The following MCOLN3 variants were observed in gnomAD, a reference collection of about 807,000 sequenced individuals.
MCOLN3 encodes the protein mucolipin-3.
In MCOLN3, 62 loss-of-function variants were observed where a neutral mutation model predicts 69.4. The observed-to-expected ratio is 0.89, with a 90% CI of 0.73 to 1.10. MCOLN3 has a LOEUF of 1.10. Among genes scored for constraint, MCOLN3 ranks in the 50% least tolerant of loss-of-function variants. MCOLN3 has a pLI of 0.00. For missense variants in MCOLN3, 564 were observed against 656.4 expected, an observed-to-expected ratio of 0.86 and a Z score of 1.54; for synonymous variants, 183 against 217.0, an observed-to-expected ratio of 0.84 and a Z score of 1.38.
rs1041807638 is a variant in MCOLN3 at position 85,033,989 on chromosome 1, A to G, written c.550+109T>C. On this transcript the variant is annotated intron_variant, in intron 4 of 12. Transcript: ENST00000370589. ...TAATAACTCGTATATCATTCTTACT[A>G]TGTCCTAATATCACAGACCAAATCA... 8 of 1,166,274 alleles carry G rather than the reference A, an allele frequency of 6.9e-6. No homozygotes were observed. In the Admixed American group the frequency reaches 9.8e-5, roughly 14 times the overall value. The allele number at this position is 1,166,274 out of a possible 1,614,324, so 72.2% of individuals were successfully genotyped here.
chr1:85,019,171 T>C lies in MCOLN3; in HGVS notation c.1614A>G (p.Arg538=), dbSNP rs114141247. ...CKDLPNSGKY[R]LEDDPPVSLF... is the part of the protein sequence containing the mutation. ...AAGATACTGGAGGGTCATCTTCTAATCTGTATTTTCCAGAGTTGGGTAGAT... is the reference window on the plus strand; with the variant it reads ...AAGATACTGGAGGGTCATCTTCTAACCTGTATTTTCCAGAGTTGGGTAGAT... The change falls in exon 13 of 13, where the codon AGA becomes AGG. Residue 538 remains arginine (R), a synonymous_variant. Transcript: ENST00000370589. The C allele has an allele frequency of 5.0e-4, 799 of 1,613,836 alleles. 1 individual carries two copies. The African/African-American group carries it at 9.6e-3, about 19-fold the overall frequency.
chr1:85,028,470 G>A (rs753957488), intron 7 of MCOLN3, among the ~76,000 whole-genome samples: 1 of 152,170 alleles, frequency 6.6e-6, no homozygotes, highest in Non-Finnish European at 1.5e-5. Context: ...AGTCCAGTAC[G>A]ATGTACCATT....
In MCOLN3 at chr1:85,045,291, G is replaced by A. The variant is rs1462807584; in HGVS notation, c.70C>T (p.Gln24Ter). 1.2e-6 allele frequency: 2 copies of A among 1,614,060 alleles called. No individual in the cohort carries two copies. Among genetic ancestry groups the A allele is most frequent in the Non-Finnish European group, 1.7e-6 (2 of 1,179,996 alleles). The change falls in exon 2 of 13, where the codon CAG becomes TAG. Residue 24 changes from glutamine (Q) to a stop codon, truncating the protein, a stop_gained. Coordinates refer to ENST00000370589, the MANE Select transcript of MCOLN3 (RefSeq NM_018298.11). LOFTEE classifies it high-confidence loss of function. ...HEEENRCNFNQQTSPSEELLL... is the reference protein window; with the variant it reads ...HEEENRCNFN ...AGCTCCTCAGATGGAGATGTTTGCT[G>A]GTTAAAATTGCAGCGATTTTCCTCT...
At chr1:85,035,917 C>T (rs1646721458) in intron 3 of MCOLN3, among the ~76,000 whole-genome samples, 1 of 152,176 alleles carries the variant, frequency 6.6e-6, no homozygotes, top group South Asian at 2.1e-4. Context: ...AAGGTTCTTC[C>T]TTGAGATAGA....
chr1:85,023,709 G>T (rs1652069254), intron 9 of MCOLN3, among the ~76,000 whole-genome samples: 1 of 152,188 alleles, frequency 6.6e-6, no homozygotes, highest in South Asian at 2.1e-4. Flanking sequence ...TAGATACTAA[G>T]CTGTGGGACA....
At position 85,032,741 on chromosome 1, in the gene MCOLN3, T is replaced by A. The variant is rs1652602115; in HGVS notation, c.687A>T (p.Thr229=). The A allele has an allele frequency of 6.2e-7, 1 of 1,613,944 alleles. No homozygotes were observed. Residue 229 remains threonine (T), a synonymous_variant, in exon 6 of 13, where the codon ACA becomes ACT. Coordinates refer to ENST00000370589, the MANE Select transcript of MCOLN3 (RefSeq NM_018298.11). ...AGTCAGGGAGTTCTTGATGACGAAC[T>A]GTCTGCAGATTAATGGCTTTCAGTT... The part of the protein sequence containing the change: ...QFKLKAINLQ[T]VRHQELPDCY...
At chr1:85,039,323 A>G (rs1317048629) in intron 3 of MCOLN3, among the ~76,000 whole-genome samples, 7 of 152,170 alleles carry the variant, frequency 4.6e-5, no homozygotes, top group African/African-American at 1.7e-4. Flanking sequence ...GAGGTCAACA[A>G]TCATGAATAG....
chr1:85,022,411 G>C lies in MCOLN3; in HGVS notation c.1096-11C>G. On this transcript the variant is annotated splice_polypyrimidine_tract_variant and intron_variant, in intron 9 of 12. Coordinates refer to ENST00000370589, the MANE Select transcript of MCOLN3 (RefSeq NM_018298.11). ...ATAACTAGTTAGACTCTAAGAGAGA[G>C]TGGAAAAATATAATCAGATTATAAA... 6.5e-7 allele frequency: 1 copy of C among 1,540,096 alleles called. No individual in the cohort carries two copies. Among genetic ancestry groups the C allele is most frequent in the Non-Finnish European group, 8.9e-7 (1 of 1,121,904 alleles).
intron 9 of MCOLN3, among the ~76,000 whole-genome samples, chr1:85,024,111 A>G (rs1184164740): frequency 6.6e-6 from 1 of 151,780 alleles, no homozygotes; most frequent in Non-Finnish European, 1.5e-5. Context: ...GTGAGCTATA[A>G]TCGCGCCACT....
At position 85,018,115 on chromosome 1, in the gene MCOLN3, A is replaced by G. The variant is rs1571079231; in HGVS notation, c.*1008T>C. The G allele has an allele frequency of 6.6e-6, 1 of 152,250 alleles. No individual in the cohort carries two copies. The highest frequency in any genetic ancestry group is 1.9e-4 in the East Asian group (1 of 5,204). The allele number at this position is 152,250 out of a possible 1,614,324, so 9.4% of individuals were successfully genotyped here. The stretch of plus-strand genomic sequence containing the variant: ...GTATATGCTTTAATTTCATGCATGT[A>G]TAAGATACTCTTTTTACTTTCTACT... On this transcript the variant is annotated 3_prime_UTR_variant, in exon 13 of 13. Transcript: ENST00000370589.
chr1:85,026,753 T>A (rs143738590), intron 7 of MCOLN3, among the ~76,000 whole-genome samples: 3,267 of 145,962 alleles, frequency 0.022, 131 homozygotes, highest in African/African-American at 0.079. Context: ...CGAGACTCCA[T>A]CTCAAAAAAA....
intron 2 of MCOLN3, 53 bp from the exon 3 acceptor site, chr1:85,041,230 G>C (rs1018344139): frequency 2.3e-5 from 34 of 1,503,094 alleles, no homozygotes; most frequent in Non-Finnish European, 3.1e-5. Flanking sequence ...GGCAGAAAAA[G>C]CAGAGCAGAA....
intron 7 of MCOLN3, 128 bp from the exon 8 acceptor site, chr1:85,026,412 G>A (rs777315491): frequency 1.7e-4 from 113 of 678,070 alleles, no homozygotes; most frequent in Non-Finnish European, 2.5e-4. Flanking sequence ...CCTGATAAAC[G>A]GTCTTCCAAT....
chr1:85,022,243 A>G, intron 10 of MCOLN3, 51 bp from the exon 11 acceptor site: 1 of 1,613,912 alleles, frequency 6.2e-7, no homozygotes, highest in East Asian at 2.2e-5. Flanking sequence ...TAGCCAAAGC[A>G]GTGCAATAAC....
intron 6 of MCOLN3, among the ~76,000 whole-genome samples, chr1:85,030,155 G>A (rs912467049): frequency 2.0e-5 from 3 of 152,196 alleles, no homozygotes; most frequent in East Asian, 1.9e-4. Flanking sequence ...CTATGGCCTC[G>A]TGCAAGGAGG....
intron 6 of MCOLN3, among the ~76,000 whole-genome samples, chr1:85,031,767 A>G (rs1033244710): frequency 8.5e-5 from 13 of 152,284 alleles, no homozygotes; most frequent in Middle Eastern, 3.4e-3. Flanking sequence ...TTTAAAAGAT[A>G]ATTGACTGTT....
intron 9 of MCOLN3, chr1:85,022,640 G>A: frequency 2.7e-6 from 1 of 368,368 alleles, no homozygotes; most frequent in Non-Finnish European, 4.9e-6. Context: ...AAAATTCAGA[G>A]GAGGGGATAA....
intron 3 of MCOLN3, among the ~76,000 whole-genome samples, chr1:85,038,705 T>C (rs1652916732): frequency 1.3e-5 from 2 of 152,156 alleles, no homozygotes; most frequent in South Asian, 4.1e-4. Context: ...ACAATTTACA[T>C]TTTGGCCAGG....
intron 9 of MCOLN3, among the ~76,000 whole-genome samples, chr1:85,024,024 A>C (rs1166512519): frequency 6.6e-6 from 1 of 151,966 alleles, no homozygotes; most frequent in Non-Finnish European, 1.5e-5. Context: ...GCCTGATTGG[A>C]ACAGACACCG....
Sources: gnomAD v4.1 joint callset for allele counts (sites outside exome capture counted in the v4.1 genomes callset) on GRCh38, gnomAD v4.1.1 for gene constraint, MANE v1.5 for transcripts, NCBI Gene and HGNC (gene_info 2026-07-23, HGNC 2026-07-21) for gene names.